SGCD: variants seen among roughly 807,000 people sequenced by gnomAD.
SGCD encodes the protein delta-sarcoglycan.
In SGCD, 18 loss-of-function variants were observed where a neutral mutation model predicts 36.6. The ratio of observed to expected loss-of-function variants is 0.49; its 90% CI spans 0.34 to 0.73. The LOEUF is 0.73. Ranked by LOEUF, SGCD falls within the 30% of genes least tolerant of loss-of-function variation. The pLI is 0.01. For synonymous variants in SGCD, 133 were observed against 130.6 expected (o/e 1.02, Z -0.12); for missense variants, 387 against 346.7 (o/e 1.12, Z -0.92).
chr5:156,460,410 A>C (rs115496788), intron 3 of SGCD, among the ~76,000 whole-genome samples: 1 of 152,188 alleles, frequency 6.6e-6, no homozygotes, highest in Admixed American at 6.5e-5. Flanking sequence ...TTGGAGTTCA[A>C]AGATGGGAAA....
At chr5:156,667,779 T>C (rs1753113437) in intron 7 of SGCD, among the ~76,000 whole-genome samples, 1 of 152,130 alleles carries the variant, frequency 6.6e-6, no homozygotes, top group South Asian at 2.1e-4. Context: ...CAAATATTAG[T>C]TTTTTGGAGG....
intron 1 of SGCD, among the ~76,000 whole-genome samples, chr5:156,041,038 T>G (rs1386502746): frequency 1.3e-5 from 2 of 152,226 alleles, no homozygotes; most frequent in Non-Finnish European, 2.9e-5. Flanking sequence ...TGTGTTTCCT[T>G]CTGAAGTAGA....
intron 3 of SGCD, among the ~76,000 whole-genome samples, chr5:156,254,933 T>A (rs1765678509): frequency 6.6e-6 from 1 of 152,182 alleles, no homozygotes; most frequent in African/African-American, 2.4e-5. Flanking sequence ...GTCTGAAAAT[T>A]TGAAATCTGA....
intron 7 of SGCD, among the ~76,000 whole-genome samples, chr5:156,719,700 G>A (rs910602874): frequency 1.3e-5 from 2 of 152,118 alleles, no homozygotes; most frequent in Non-Finnish European, 2.9e-5. Context: ...GTCATATGAT[G>A]AAAGGAAAGT....
chr5:156,155,156 A>G (rs1205271872), intron 3 of SGCD, among the ~76,000 whole-genome samples: 1 of 151,662 alleles, frequency 6.6e-6, no homozygotes, highest in Non-Finnish European at 1.5e-5. Flanking sequence ...CACTTTTGTT[A>G]GAAATGTAGC....
intron 1 of SGCD, among the ~76,000 whole-genome samples, chr5:155,881,414 G>A (rs1755883066): frequency 6.9e-6 from 1 of 144,032 alleles, no homozygotes; most frequent in Non-Finnish European, 1.5e-5. Flanking sequence ...GTCTATTTGG[G>A]TGCAATGGCA....
chr5:156,423,002 T>G (rs534835718), intron 3 of SGCD, among the ~76,000 whole-genome samples: 1 of 150,814 alleles, frequency 6.6e-6, no homozygotes. Context: ...AGGCCTGCAG[T>G]CTTCACTCAC....
At chr5:156,310,920 A>G (rs528777052) in intron 3 of SGCD, among the ~76,000 whole-genome samples, 1 of 152,180 alleles carries the variant, frequency 6.6e-6, no homozygotes, top group Non-Finnish European at 1.5e-5. Flanking sequence ...ATACCAGGGG[A>G]CATGCTAGTG....
At chr5:156,355,194 G>T (rs1769436121) in intron 3 of SGCD, among the ~76,000 whole-genome samples, 1 of 152,246 alleles carries the variant, frequency 6.6e-6, no homozygotes, top group Admixed American at 6.5e-5. Flanking sequence ...GGATGGCATG[G>T]TAAGGCCTGT....
At chr5:156,676,401 C>T (rs1275099267) in intron 7 of SGCD, among the ~76,000 whole-genome samples, 12 of 152,260 alleles carry the variant, frequency 7.9e-5, no homozygotes, top group Admixed American at 6.5e-4. Flanking sequence ...CCCTCTGTGG[C>T]CATTAAAAGC....
At chr5:156,656,218 AGT>A (rs1763671159) in intron 7 of SGCD, among the ~76,000 whole-genome samples, 2 of 152,308 alleles carry the variant, frequency 1.3e-5, no homozygotes, top group South Asian at 4.1e-4. Flanking sequence ...ATTTAAATAA[AGT>A]AATTTTTAAA....
chr5:156,369,839 C>T (rs1271675569), intron 3 of SGCD, among the ~76,000 whole-genome samples: 1 of 152,072 alleles, frequency 6.6e-6, no homozygotes, highest in Non-Finnish European at 1.5e-5. Flanking sequence ...CCTAGGAAGG[C>T]ACACCAGAGA....
chr5:156,300,698 C>A (rs1001399324), intron 3 of SGCD, among the ~76,000 whole-genome samples: 11 of 152,024 alleles, frequency 7.2e-5, no homozygotes, highest in African/African-American at 2.4e-5. Context: ...CTCTCCAATG[C>A]TGAAACTGTG....
At chr5:156,235,829 G>T (rs1427464599) in intron 3 of SGCD, among the ~76,000 whole-genome samples, 1 of 152,172 alleles carries the variant, frequency 6.6e-6, no homozygotes, top group Non-Finnish European at 1.5e-5. Context: ...CTGCAAATCT[G>T]AGAGCTCAGT....
chr5:155,828,805 G>A, the SGCD span, among the ~76,000 whole-genome samples: 1 of 151,878 alleles, frequency 6.6e-6, no homozygotes, highest in Admixed American at 6.6e-5. Flanking sequence ...CCCTGCCTCA[G>A]CCTCCCAAGT....
At chr5:156,507,546 C>A (rs1384758050) in intron 3 of SGCD, among the ~76,000 whole-genome samples, 2 of 152,130 alleles carry the variant, frequency 1.3e-5, no homozygotes, top group Non-Finnish European at 2.9e-5. Flanking sequence ...AACTAATATA[C>A]CCCATTTCCT....
At chr5:156,291,866 G>T (rs1043928302) in intron 3 of SGCD, among the ~76,000 whole-genome samples, 1 of 152,028 alleles carries the variant, frequency 6.6e-6, no homozygotes, top group Non-Finnish European at 1.5e-5. Context: ...TTTATTTGTG[G>T]TGGGAACACT....
At chr5:155,772,340 A>G in the SGCD span, among the ~76,000 whole-genome samples, 1 of 152,314 alleles carries the variant, frequency 6.6e-6, no homozygotes, top group East Asian at 1.9e-4. Context: ...GCACTTTGAT[A>G]TATTCCAAGT....
intron 3 of SGCD, among the ~76,000 whole-genome samples, chr5:156,237,126 T>C (rs1765185992): frequency 1.3e-5 from 2 of 151,976 alleles, no homozygotes; most frequent in South Asian, 4.2e-4. Context: ...TGAGCCACTA[T>C]GCCTGGCCTG....
Sources: allele counts gnomAD v4.1 joint callset (sites outside exome capture counted in the v4.1 genomes callset), GRCh38; gene constraint gnomAD v4.1.1; transcripts MANE v1.5; gene names NCBI Gene and HGNC (gene_info 2026-07-23, HGNC 2026-07-21).